Variants in RYR2 observed in about 807,000 individuals in gnomAD.
RYR2 encodes the protein cardiac muscle ryanodine receptor-calcium release channel.
Under a neutral mutation model 601.1 loss-of-function variants are expected in RYR2, and 227 were observed. The ratio of observed to expected loss-of-function variants is 0.38; its 90% CI spans 0.34 to 0.42. RYR2 has a LOEUF of 0.42. Ranked by LOEUF, RYR2 falls within the 10% of genes least tolerant of loss-of-function variation. RYR2 has a pLI of 1.00. For synonymous variants in RYR2, 2,223 were observed against 2,175.1 expected, an observed-to-expected ratio of 1.02 and a Z score of -0.61; for missense variants, 4,646 against 6,156.5, an observed-to-expected ratio of 0.75 and a Z score of 8.21.
chr1:237,602,352 A>G (rs911315572), intron 35 of RYR2, among the ~76,000 whole-genome samples: 1 of 152,046 alleles, frequency 6.6e-6, no homozygotes, highest in Non-Finnish European at 1.5e-5. Flanking sequence ...AGAAAAAAAA[A>G]TGCCGAGATT....
At chr1:237,127,040 C>A (rs1256815123) in intron 1 of RYR2, among the ~76,000 whole-genome samples, 1 of 151,760 alleles carries the variant, frequency 6.6e-6, no homozygotes, top group Admixed American at 6.6e-5. Context: ...TCTTGCACCG[C>A]CCTTAATCCA....
chr1:237,662,027 T>G (rs1345867966), intron 56 of RYR2, among the ~76,000 whole-genome samples: 1 of 152,102 alleles, frequency 6.6e-6, no homozygotes, highest in African/African-American at 2.4e-5. Flanking sequence ...ACACCAAATA[T>G]TGTTTATTAT....
chr1:237,074,202 A>G (rs1416552086), intron 1 of RYR2, among the ~76,000 whole-genome samples: 3 of 152,126 alleles, frequency 2.0e-5, no homozygotes, highest in Admixed American at 1.3e-4. Context: ...CCTGTATCCC[A>G]GCTACTTGGG....
chr1:237,141,737 G>A (rs953175407), intron 1 of RYR2, among the ~76,000 whole-genome samples: 3 of 152,176 alleles, frequency 2.0e-5, no homozygotes, highest in Non-Finnish European at 2.9e-5. Context: ...TAATTTTCTG[G>A]CTCTTTGCCT....
intron 19 of RYR2, 71 bp from the exon 20 acceptor site, chr1:237,496,440 G>A: frequency 6.3e-7 from 1 of 1,580,214 alleles, no homozygotes; most frequent in Admixed American, 1.7e-5. Context: ...AAGTGAAATT[G>A]TGAGATGTAA....
intron 63 of RYR2, among the ~76,000 whole-genome samples, chr1:237,698,277 C>T (rs1687670137): frequency 6.6e-6 from 1 of 152,056 alleles, no homozygotes; most frequent in Non-Finnish European, 1.5e-5. Context: ...GCTTTTATCA[C>T]TCATATTTCT....
chr1:237,051,769 C>G (rs1036674561), intron 1 of RYR2, among the ~76,000 whole-genome samples: 1 of 152,130 alleles, frequency 6.6e-6, no homozygotes. Flanking sequence ...GAAGTGAGCC[C>G]AGTGTTTGCA....
At chr1:237,600,163 C>T (rs968138253) in intron 34 of RYR2, among the ~76,000 whole-genome samples, 2 of 152,108 alleles carry the variant, frequency 1.3e-5, no homozygotes, top group Non-Finnish European at 1.5e-5. Flanking sequence ...AAACATCACA[C>T]TAACTGAGTT....
At position 237,732,061 on chromosome 1, in the gene RYR2, C is replaced by T; in HGVS notation, c.10951C>T (p.Pro3651Ser). The T allele has an allele frequency of 6.2e-7, 1 of 1,601,640 alleles. No homozygotes were observed. Among genetic ancestry groups the T allele is most frequent in the Non-Finnish European group, 8.5e-7 (1 of 1,172,762 alleles). Residue 3651 changes from proline to serine, a missense_variant, in exon 78 of 105, where the codon CCT (proline) becomes TCT (serine). Physicochemically the swap from Pro to Ser is moderately conservative, Grantham distance 74. Transcript: ENST00000366574. Reference protein sequence around the residue: ...IEDLAKPGAEPPEEDEGTKRV... With the variant: ...IEDLAKPGAESPEEDEGTKRV... ...TTTTTTGCAGAAACCTGGGGCTGAA[C>T]CTCCAGAAGAAGATGAAGGCACTAA...
chr1:237,536,486 G>A (rs990135630), intron 25 of RYR2, among the ~76,000 whole-genome samples: 5 of 147,142 alleles, frequency 3.4e-5, no homozygotes, highest in East Asian at 4.0e-4. Flanking sequence ...AGGCCGAGGC[G>A]GGCGGATCAC....
chr1:237,794,061 G>A (rs1217577765), intron 95 of RYR2, 64 bp downstream of exon 95: 1 of 1,424,412 alleles, frequency 7.0e-7, no homozygotes, highest in Non-Finnish European at 9.8e-7. Context: ...ATATTTGGTT[G>A]GAGTTCCTGC....
At chr1:237,186,087 C>A (rs191052970) in intron 1 of RYR2, among the ~76,000 whole-genome samples, 4 of 152,300 alleles carry the variant, frequency 2.6e-5, no homozygotes, top group African/African-American at 9.6e-5. Context: ...CTGATTTTTC[C>A]CTTGAAACCT....
chr1:237,412,501 A>G (rs1294167130), intron 10 of RYR2, among the ~76,000 whole-genome samples: 1 of 152,178 alleles, frequency 6.6e-6, no homozygotes, highest in Non-Finnish European at 1.5e-5. Context: ...AATTACAGTG[A>G]CTTTGACTTT....
chr1:237,791,659 C>CTGTT (rs1227855747), intron 93 of RYR2, 144 bp downstream of exon 93: 6 of 601,764 alleles, frequency 1.0e-5, no homozygotes, highest in Non-Finnish European at 1.8e-5. Flanking sequence ...ACTGATATCA[C>CTGTT]TGTTATCTAG....
chr1:237,511,697 G>A lies in RYR2; in HGVS notation c.2728G>A (p.Asp910Asn). 4.5e-6 allele frequency: 7 copies of A among 1,566,542 alleles called. No individual in the cohort carries two copies. Among genetic ancestry groups the A allele is most frequent in the Non-Finnish European group, 6.1e-6 (7 of 1,154,064 alleles). ...TCCTGTCCTGTTTCAGGTTAGAGATGACAACAAGAGACAACACCCATGCCT... is the reference window on the plus strand; with the variant it reads ...TCCTGTCCTGTTTCAGGTTAGAGATAACAACAAGAGACAACACCCATGCCT... Reference protein sequence around the residue: ...LGWQYGPVRDDNKRQHPCLVE... With the variant: ...LGWQYGPVRDNNKRQHPCLVE... Residue 910 changes from aspartate (D) to asparagine (N), a missense_variant, in exon 24 of 105, where the codon GAC becomes AAC. This residue lies in a region of RYR2 where 1,807 missense variants were observed against 2,088.1 expected (regional missense o/e 0.87). Coordinates refer to ENST00000366574, the MANE Select transcript of RYR2 (RefSeq NM_001035.3).
chr1:237,099,923 G>A (rs1220069985), intron 1 of RYR2, among the ~76,000 whole-genome samples: 1 of 152,178 alleles, frequency 6.6e-6, no homozygotes, highest in Non-Finnish European at 1.5e-5. Flanking sequence ...GCTGCAGTTG[G>A]AAGCTGAACT....
At chr1:237,065,297 CG>C (rs753642055) in intron 1 of RYR2, among the ~76,000 whole-genome samples, 557 of 9,242 alleles carry the variant, frequency 0.06, 25 homozygotes, top group Non-Finnish European at 0.11. Flanking sequence ...TTTTTTTTTT[CG>C]AGAGGGAGTC....
chr1:237,243,344 C>T (rs541516877), intron 1 of RYR2, among the ~76,000 whole-genome samples: 1 of 152,154 alleles, frequency 6.6e-6, no homozygotes, highest in East Asian at 1.9e-4. Context: ...AGTTGGGGTT[C>T]CCATGACCCC....
chr1:237,205,585 G>A (rs1558422022), intron 1 of RYR2, among the ~76,000 whole-genome samples: 1 of 152,220 alleles, frequency 6.6e-6, no homozygotes, highest in South Asian at 2.1e-4. Flanking sequence ...GCAGGATGGG[G>A]CTGGCACCCA....
Sources: gnomAD v4.1 joint callset for allele counts (sites outside exome capture counted in the v4.1 genomes callset) on GRCh38, gnomAD v4.1.1 for gene constraint, gnomAD v4.1.1 regional missense constraint, MANE v1.5 for transcripts, NCBI Gene and HGNC (gene_info 2026-07-23, HGNC 2026-07-21) for gene names.